Variants in SPATA18 observed in about 807,000 individuals in gnomAD.
SPATA18 encodes spermatogenesis associated 18.
A neutral mutation model predicts 68.1 loss-of-function variants in SPATA18; 54 were observed. The observed-to-expected ratio is 0.79, with a 90% CI of 0.64 to 0.99. The LOEUF (loss-of-function observed/expected upper bound fraction) is 0.99, where lower values mean the gene tolerates loss of function less well. SPATA18 is among the 50% of genes least tolerant of loss of function. SPATA18 has a pLI of 0.00. For synonymous variants in SPATA18, 242 were observed against 244.8 expected, an observed-to-expected ratio of 0.99 and a Z score of 0.11; for missense variants, 724 against 681.1, an observed-to-expected ratio of 1.06 and a Z score of -0.70.
chr4:52,051,477 C>A lies in SPATA18; in HGVS notation c.-228C>A. On this transcript the variant is annotated 5_prime_UTR_variant, in exon 1 of 13. Coordinates refer to ENST00000295213, the MANE Select transcript of SPATA18 (RefSeq NM_145263.4). ...GCTGCTGGGGAGCCAGGAGACCGCG[C>A]GGGACGGCGGATGAGGCGCGGCGGC... 1 of 542,776 alleles carries A rather than the reference C, an allele frequency of 1.8e-6. No homozygotes were observed. Among genetic ancestry groups the A allele is most frequent in the Non-Finnish European group, 3.3e-6 (1 of 304,496 alleles). The allele number at this position is 542,776 out of a possible 1,614,324, so 33.6% of individuals were successfully genotyped here.
intron 6 of SPATA18, among the ~76,000 whole-genome samples, chr4:52,073,418 A>G (rs1173167445): frequency 6.6e-6 from 1 of 152,186 alleles, no homozygotes; most frequent in Non-Finnish European, 1.5e-5. Context: ...AGTAGTTTAC[A>G]ATATACCCAG....
intron 1 of SPATA18, among the ~76,000 whole-genome samples, chr4:52,059,990 A>C (rs570944760): frequency 1.3e-5 from 2 of 152,190 alleles, no homozygotes; most frequent in African/African-American, 4.8e-5. Context: ...ACACAAACCA[A>C]CTTTCTCAAC....
intron 4 of SPATA18, among the ~76,000 whole-genome samples, chr4:52,064,382 C>T (rs952141173): frequency 6.6e-6 from 1 of 152,050 alleles, no homozygotes; most frequent in Non-Finnish European, 1.5e-5. Context: ...GTCACCTGAG[C>T]GGTATACACT....
Position 52,051,790 on chromosome 4 carries a change from A to G in SPATA18, c.86A>G (p.Asn29Ser), listed in dbSNP as rs933663165. The G allele has an allele frequency of 2.5e-6, 4 of 1,613,818 alleles. No homozygotes were observed. The Admixed American group carries it at 5.0e-5, about 20-fold the overall frequency. ...CTAGACTTCTGGCTGAAGGAGTACA[A>G]CGTGAGTCTGGGTGAAAAACCCCCG... ...EKLDFWLKEY[N>S]TNTCDQNLNH... Residue 29 changes from asparagine (N) to serine (S), a missense_variant and splice_region_variant, in exon 1 of 13, where the codon AAC (asparagine) becomes AGC (serine). By Grantham distance (46) the Asn-to-Ser change is conservative. Coordinates refer to ENST00000295213, the MANE Select transcript of SPATA18 (RefSeq NM_145263.4).
intron 1 of SPATA18, among the ~76,000 whole-genome samples, chr4:52,059,548 C>A (rs1738650101): frequency 6.6e-6 from 1 of 152,232 alleles, no homozygotes; most frequent in Non-Finnish European, 1.5e-5. Flanking sequence ...ACCACTGGAA[C>A]CACTTCCTTT....
intron 1 of SPATA18, among the ~76,000 whole-genome samples, chr4:52,059,228 T>A (rs1325311337): frequency 6.6e-6 from 1 of 152,198 alleles, no homozygotes; most frequent in East Asian, 1.9e-4. Flanking sequence ...AACTTTTCTC[T>A]TACTCCACTC....
chr4:52,056,568 A>G (rs1020405187), intron 1 of SPATA18, among the ~76,000 whole-genome samples: 31 of 152,172 alleles, frequency 2.0e-4, no homozygotes, highest in Non-Finnish European at 3.8e-4. Context: ...GACTTGTTCA[A>G]ACCCAAACTC....
intron 1 of SPATA18, among the ~76,000 whole-genome samples, chr4:52,055,768 G>T (rs1738285283): frequency 6.6e-6 from 1 of 152,080 alleles, no homozygotes; most frequent in Non-Finnish European, 1.5e-5. Context: ...GAAACTTCGT[G>T]GCCCTTACCA....
chr4:52,072,377 G>C (rs1240426068), intron 6 of SPATA18, among the ~76,000 whole-genome samples: 1 of 151,928 alleles, frequency 6.6e-6, no homozygotes, highest in Non-Finnish European at 1.5e-5. Flanking sequence ...ATTAACTTTG[G>C]GCTGAGAGAT....
At chr4:52,077,605 A>C (rs1174161261) in intron 7 of SPATA18, among the ~76,000 whole-genome samples, 1 of 152,156 alleles carries the variant, frequency 6.6e-6, no homozygotes, top group Non-Finnish European at 1.5e-5. Context: ...GGGTTTATAC[A>C]AAGTAGATTT....
At chr4:52,068,144 C>T (rs1196867551) in intron 4 of SPATA18, among the ~76,000 whole-genome samples, 3 of 152,116 alleles carry the variant, frequency 2.0e-5, no homozygotes, top group African/African-American at 7.2e-5. Context: ...TTTCTTGATC[C>T]ATTTTCTACA....
chr4:52,080,649 T>C (rs919276728), intron 9 of SPATA18, among the ~76,000 whole-genome samples: 1 of 152,150 alleles, frequency 6.6e-6, no homozygotes, highest in Non-Finnish European at 1.5e-5. Context: ...AAATTTCAGC[T>C]CCATCACCTA....
intron 11 of SPATA18, among the ~76,000 whole-genome samples, chr4:52,091,964 C>T (rs1363471083): frequency 6.6e-6 from 1 of 152,152 alleles, no homozygotes; most frequent in Non-Finnish European, 1.5e-5. Context: ...GCAGTGTGCT[C>T]CACCCAATTT....
intron 10 of SPATA18, chr4:52,083,394 G>GT: frequency 1.0e-6 from 1 of 985,338 alleles, no homozygotes; most frequent in Non-Finnish European, 1.2e-6. Context: ...GAAGAAAAGG[G>GT]TTTTTGTAGC....
At position 52,084,909 on chromosome 4, in the gene SPATA18, T is replaced by C. The variant is rs750135633; in HGVS notation, c.1480-7T>C. ...CTATGTCTCTCTCTTTCTCTCTCTTTTTTAAGTGGAATTCGGTGCGATCTG... is the reference window on the plus strand; with the variant it reads ...CTATGTCTCTCTCTTTCTCTCTCTTCTTTAAGTGGAATTCGGTGCGATCTG... On this transcript the variant is annotated splice_region_variant and splice_polypyrimidine_tract_variant and intron_variant, in intron 10 of 12. Transcript: ENST00000295213. The C allele has an allele frequency of 6.2e-7, 1 of 1,613,938 alleles. No homozygotes were observed. The highest frequency in any genetic ancestry group is 1.1e-5 in the South Asian group (1 of 91,046).
intron 4 of SPATA18, among the ~76,000 whole-genome samples, chr4:52,066,714 C>T (rs189617892): frequency 6.6e-6 from 1 of 152,148 alleles, no homozygotes; most frequent in African/African-American, 2.4e-5. Flanking sequence ...TCCCTGTGTT[C>T]CCGTTGTTCA....
At chr4:52,058,273 C>G (rs903676077) in intron 1 of SPATA18, among the ~76,000 whole-genome samples, 2 of 152,126 alleles carry the variant, frequency 1.3e-5, no homozygotes, top group Non-Finnish European at 2.9e-5. Context: ...AAAGCAATAT[C>G]ATTTTTAAAA....
intron 6 of SPATA18, among the ~76,000 whole-genome samples, chr4:52,072,683 G>A (rs1357005151): frequency 2.0e-5 from 3 of 152,202 alleles, no homozygotes; most frequent in African/African-American, 4.8e-5. Flanking sequence ...TGGGATTACA[G>A]GCATGAGCCA....
chr4:52,075,193 C>T (rs2109471967), intron 6 of SPATA18, among the ~76,000 whole-genome samples: 1 of 152,110 alleles, frequency 6.6e-6, no homozygotes, highest in Non-Finnish European at 1.5e-5. Context: ...CTGGGGGTGG[C>T]TTGTAATCTG....
Sources: gnomAD v4.1 joint callset for allele counts (sites outside exome capture counted in the v4.1 genomes callset) on GRCh38, gnomAD v4.1.1 for gene constraint, MANE v1.5 for transcripts, NCBI Gene and HGNC (gene_info 2026-07-23, HGNC 2026-07-21) for gene names.